The following FHIT variants were observed in gnomAD, a reference collection of about 807,000 sequenced individuals.
FHIT encodes the protein fragile histidine triad diadenosine triphosphatase.
A neutral mutation model predicts 17.9 loss-of-function variants in FHIT; 19 were observed. The ratio of observed to expected loss-of-function variants is 1.06; its 90% confidence interval spans 0.74 to 1.56. The LOEUF is 1.56. FHIT is among the 40% of genes most tolerant of loss of function. The probability of loss-of-function intolerance (pLI) is 0.00; values close to 1 mark genes in which losing one functional copy is unlikely to be tolerated. For missense variants in FHIT, 248 were observed against 189.2 expected, an observed-to-expected ratio of 1.31 and a Z score of -1.82; for synonymous variants, 81 against 69.7, an observed-to-expected ratio of 1.16 and a Z score of -0.81.
chr3:61,010,073 A>G (rs1307153243), intron 3 of FHIT, among the ~76,000 whole-genome samples: 1 of 152,194 alleles, frequency 6.6e-6, no homozygotes, highest in Non-Finnish European at 1.5e-5. Flanking sequence ...AATAACAACA[A>G]GCCTCAATGT....
chr3:60,864,857 A>T (rs1301868459), intron 3 of FHIT, among the ~76,000 whole-genome samples: 19 of 152,168 alleles, frequency 1.2e-4, no homozygotes, highest in Non-Finnish European at 1.2e-4. Context: ...CCCTTTGAAA[A>T]TGCATCAAAA....
At chr3:59,864,913 T>G (rs1422407831) in intron 8 of FHIT, among the ~76,000 whole-genome samples, 1 of 151,990 alleles carries the variant, frequency 6.6e-6, no homozygotes. Context: ...TCCAGAGCAG[T>G]TCCTATACCA....
At chr3:60,905,125 G>T (rs748834973) in intron 3 of FHIT, among the ~76,000 whole-genome samples, 11 of 152,016 alleles carry the variant, frequency 7.2e-5, no homozygotes, top group Non-Finnish European at 1.2e-4. Flanking sequence ...AACATAAGAG[G>T]TTATCAATAG....
chr3:60,345,027 C>T lies in FHIT; in HGVS notation c.103+191833G>A, dbSNP rs141723628. Among the ~76,000 whole-genome samples, 74 of 152,244 alleles carry T rather than the reference C, an allele frequency of 4.9e-4. 1 individual carries two copies. Among genetic ancestry groups the T allele is most frequent in the African/African-American group, 1.7e-3 (70 of 41,558 alleles). On this transcript the variant is annotated intron_variant, in intron 5 of 9. Transcript: ENST00000492590. ...CCCTTTGTATAAACACTATAAATTGCTTTAAAGTAAACTTTATGAAAATCA... is the reference window on the plus strand; with the variant it reads ...CCCTTTGTATAAACACTATAAATTGTTTTAAAGTAAACTTTATGAAAATCA...
At chr3:60,835,335 G>A (rs375126717) in intron 3 of FHIT, among the ~76,000 whole-genome samples, 7 of 152,006 alleles carry the variant, frequency 4.6e-5, no homozygotes, top group South Asian at 2.1e-4. Context: ...TCTTTACTAC[G>A]CTGTGACTTT....
At chr3:59,771,824 C>T (rs1056429973) in intron 8 of FHIT, among the ~76,000 whole-genome samples, 2 of 152,202 alleles carry the variant, frequency 1.3e-5, no homozygotes, top group African/African-American at 4.8e-5. Context: ...CATTTTTAGG[C>T]ATGTCAGCAC....
At chr3:60,832,754 C>A (rs1404241101) in intron 3 of FHIT, among the ~76,000 whole-genome samples, 2 of 150,834 alleles carry the variant, frequency 1.3e-5, no homozygotes, top group Admixed American at 6.6e-5. Context: ...GGAAGAAATT[C>A]AGTCTCTTAT....
chr3:59,951,112 C>T (rs1186853012), intron 7 of FHIT, among the ~76,000 whole-genome samples: 1 of 152,156 alleles, frequency 6.6e-6, no homozygotes, highest in Non-Finnish European at 1.5e-5. Context: ...ATGTGTTATG[C>T]ATGGAAACAG....
chr3:60,060,758 T>C (rs1559594090), intron 5 of FHIT, among the ~76,000 whole-genome samples: 1 of 152,158 alleles, frequency 6.6e-6, no homozygotes, highest in Non-Finnish European at 1.5e-5. Context: ...AATGGAATGG[T>C]TTTGGTTTGT....
chr3:61,222,226 G>C (rs575680659), intron 1 of FHIT, among the ~76,000 whole-genome samples: 5 of 152,232 alleles, frequency 3.3e-5, no homozygotes, highest in Middle Eastern at 3.4e-3. Context: ...TAATCACAGG[G>C]GCAGAACAAG....
At chr3:61,020,807 C>A (rs1201578099) in intron 3 of FHIT, among the ~76,000 whole-genome samples, 1 of 151,960 alleles carries the variant, frequency 6.6e-6, no homozygotes, top group African/African-American at 2.4e-5. Context: ...TGCAAAGACA[C>A]ACAAAGGCTC....
intron 5 of FHIT, among the ~76,000 whole-genome samples, chr3:60,517,738 A>G (rs1028193891): frequency 3.3e-5 from 5 of 152,160 alleles, no homozygotes; most frequent in Non-Finnish European, 7.4e-5. Context: ...TTGTGCCACA[A>G]TCCCCAAGAT....
At chr3:60,252,438 C>T (rs543408684) in intron 5 of FHIT, among the ~76,000 whole-genome samples, 46 of 152,050 alleles carry the variant, frequency 3.0e-4, no homozygotes, top group Non-Finnish European at 6.6e-4. Flanking sequence ...ATGGCAACTG[C>T]CTGTAGTCCC....
At chr3:60,296,485 AT>A (rs2106687155) in intron 5 of FHIT, among the ~76,000 whole-genome samples, 1 of 152,002 alleles carries the variant, frequency 6.6e-6, no homozygotes, top group Non-Finnish European at 1.5e-5. Context: ...TCTTTTGCCC[AT>A]TTTCCAAATG....
At position 59,749,180 on chromosome 3, in the gene FHIT, A is replaced by T. The variant is rs950588548; in HGVS notation, c.*405T>A. ...ATGTATAAAAATTCAATATGTAGAC[A>T]TTTTTTTTGAAAAGGGAAGAAATAA... On this transcript the variant is annotated 3_prime_UTR_variant, in exon 10 of 10. Transcript: ENST00000492590. 3.1e-5 allele frequency: 7 copies of T among 229,362 alleles called. No homozygotes were observed. Among genetic ancestry groups the T allele is most frequent in the East Asian group, 2.5e-4 (4 of 16,164 alleles). The allele number at this position is 229,362 out of a possible 1,614,324, so 14.2% of individuals were successfully genotyped here.
intron 7 of FHIT, among the ~76,000 whole-genome samples, chr3:59,968,687 T>C (rs1033045077): frequency 2.0e-5 from 3 of 152,102 alleles, no homozygotes; most frequent in African/African-American, 7.2e-5. Context: ...TTAAGTCCAT[T>C]AGTTACATAA....
chr3:60,277,448 G>A (rs1050024410), intron 5 of FHIT, among the ~76,000 whole-genome samples: 4 of 152,158 alleles, frequency 2.6e-5, no homozygotes, highest in Non-Finnish European at 4.4e-5. Context: ...ATAAGAAAAA[G>A]CTACCTGGTA....
At chr3:60,065,462 C>A (rs568959936) in intron 5 of FHIT, among the ~76,000 whole-genome samples, 3 of 152,038 alleles carry the variant, frequency 2.0e-5, no homozygotes, top group Non-Finnish European at 2.9e-5. Context: ...TACCTAGGAC[C>A]CAGTAACTCT....
chr3:61,195,201 C>G (rs1423019694), intron 2 of FHIT, among the ~76,000 whole-genome samples: 1 of 151,190 alleles, frequency 6.6e-6, no homozygotes, highest in Non-Finnish European at 1.5e-5. Context: ...CCAGATAAAG[C>G]AACAACCGGC....
Sources: allele counts gnomAD v4.1 joint callset (sites outside exome capture counted in the v4.1 genomes callset), GRCh38; gene constraint gnomAD v4.1.1; transcripts MANE v1.5; gene names NCBI Gene and HGNC (gene_info 2026-07-23, HGNC 2026-07-21).